GLI3: variants seen among roughly 807,000 people sequenced by gnomAD.
GLI3 encodes the protein GLI family zinc finger 3.
In GLI3, 20 loss-of-function variants were observed where a neutral mutation model predicts 100.8. The observed-to-expected ratio is 0.20, with a 90% CI of 0.14 to 0.29. The LOEUF (loss-of-function observed/expected upper bound fraction) is 0.29, where lower values mean the gene tolerates loss of function less well. Among genes scored for constraint, GLI3 ranks in the 10% least tolerant of loss-of-function variants. The probability of loss-of-function intolerance (pLI) is 1.00; values close to 1 mark genes in which losing one functional copy is unlikely to be tolerated. For synonymous variants in GLI3, 938 were observed against 860.5 expected (o/e 1.09, Z -1.58); for missense variants, 2,040 against 2,128.5 (o/e 0.96, Z 0.82).
At chr7:42,233,054 G>A (rs749632715) in intron 1 of GLI3, among the ~76,000 whole-genome samples, 1 of 152,182 alleles carries the variant, frequency 6.6e-6, no homozygotes, top group Non-Finnish European at 1.5e-5. Flanking sequence ...GAGACACCAT[G>A]TAAAGTTTGC....
In GLI3 at chr7:41,967,650, G is replaced by A. The variant is rs2128706887; in HGVS notation, c.2377C>T (p.Leu793=). 1.9e-6 allele frequency: 3 copies of A among 1,614,072 alleles called. No individual in the cohort carries two copies. The highest frequency in any genetic ancestry group is 2.5e-6 in the Non-Finnish European group (3 of 1,179,970). The stretch of plus-strand genomic sequence containing the variant: ...GCTTTAGGGGGTAGAATGGGGTTCA[G>A]TCGCGGAAACATTCCATTCACTTGT... ...LKQVNGMFPR[L]NPILPPKAPA... is the part of the protein sequence containing the mutation. Residue 793 remains leucine, a synonymous_variant, in exon 14 of 15, where the codon CTG becomes TTG. Transcript: ENST00000395925.
Position 42,045,422 on chromosome 7 carries a change from G to A in GLI3, c.788C>T (p.Thr263Met), listed in dbSNP as rs761232350. Residue 263 changes from threonine (T) to methionine (M), a missense_variant, in exon 6 of 15, where the codon ACG (threonine) becomes ATG (methionine). Physicochemically the swap from Thr to Met is moderately conservative, Grantham distance 81. This residue lies in a region of GLI3 where 603 missense variants were observed against 690.9 expected (regional missense o/e 0.87). Coordinates refer to ENST00000395925, the MANE Select transcript of GLI3 (RefSeq NM_000168.6). ...AAGATATTCCATGTGGATGGCCCCC[G>A]TGCCGGCGGTGGCAGCTGAGGGAAT... ...DIIPSAATAG[T>M]GAIHMEYLHA... 30 of 1,613,888 alleles carry A rather than the reference G, an allele frequency of 1.9e-5. No individual in the cohort carries two copies. The highest frequency in any genetic ancestry group is 1.6e-4 in the Middle Eastern group (1 of 6,082).
rs192306574 is a variant in GLI3, at chr7:42,104,073, T to A, written c.368-27216A>T. On this transcript the variant is annotated intron_variant, in intron 3 of 14. Transcript: ENST00000395925. ...GGACGATGTGCTTTGTTTGGTGCCCTGTACAAGTATATGAGCATACTTACG... is the reference window on the plus strand; with the variant it reads ...GGACGATGTGCTTTGTTTGGTGCCCAGTACAAGTATATGAGCATACTTACG... Among the ~76,000 whole-genome samples, 14 of 152,264 alleles carry A rather than the reference T, an allele frequency of 9.2e-5. No homozygotes were observed. In the East Asian group the frequency reaches 2.7e-3, roughly 29 times the overall value.
chr7:42,053,969 G>A (rs1784402850), intron 4 of GLI3, among the ~76,000 whole-genome samples: 1 of 152,164 alleles, frequency 6.6e-6, no homozygotes, highest in Non-Finnish European at 1.5e-5. Flanking sequence ...CATTATCCCT[G>A]TGTCTTGGCT....
At position 41,966,579 on chromosome 7, in the gene GLI3, C is replaced by T. The variant is rs1156987879; in HGVS notation, c.2494G>A (p.Asp832Asn). The stretch of plus-strand genomic sequence containing the variant: ...ATAGTGACGTCCACCCCAGAGAGGT[C>T]GCTTCTGCCCGGGAGAAGCGTCATG... ...GPMTLLPGRS[D>N]LSGVDVTMLN... Residue 832 changes from aspartate (D) to asparagine (N), a missense_variant, in exon 15 of 15, where the codon GAC becomes AAC. By Grantham distance (23) the Asp-to-Asn change is conservative. Transcript: ENST00000395925. This position sits in a 1 kb window ranked among gnomAD's most constrained non-coding sequence, Gnocchi z 5.8. The T allele has an allele frequency of 1.2e-6, 2 of 1,614,046 alleles. No individual in the cohort carries two copies. Among genetic ancestry groups the T allele is most frequent in the Non-Finnish European group, 1.7e-6 (2 of 1,180,000 alleles).
intron 10 of GLI3, among the ~76,000 whole-genome samples, chr7:41,989,987 CAAAAAA>C (rs60763223): frequency 6.4e-5 from 4 of 62,862 alleles, no homozygotes; most frequent in African/African-American, 1.4e-4. Context: ...ACTCTGTCTC[CAAAAAA>C]AAAAAAAAAA....
At chr7:41,988,716 C>T (rs574472593) in intron 10 of GLI3, among the ~76,000 whole-genome samples, 1 of 152,272 alleles carries the variant, frequency 6.6e-6, no homozygotes, top group East Asian at 1.9e-4. Flanking sequence ...TTATAAATTA[C>T]CCAGTGTTAA....
intron 10 of GLI3, among the ~76,000 whole-genome samples, chr7:42,003,574 T>G (rs1345723665): frequency 6.6e-6 from 1 of 152,196 alleles, no homozygotes; most frequent in Non-Finnish European, 1.5e-5. Flanking sequence ...AACCACAGTT[T>G]GATAATATTA....
intron 13 of GLI3, among the ~76,000 whole-genome samples, chr7:41,968,686 G>GA (rs1173570973): frequency 3.9e-5 from 3 of 76,204 alleles, no homozygotes; most frequent in African/African-American, 1.1e-4. Context: ...AAGAAAGAAA[G>GA]AAGAAAGAAA....
At position 41,966,638 on chromosome 7, in the gene GLI3, G is replaced by A. The variant is rs1271650442; in HGVS notation, c.2435C>T (p.Thr812Ile). The A allele has an allele frequency of 1.2e-6, 2 of 1,613,908 alleles. No homozygotes were observed. The highest frequency in any genetic ancestry group is 1.7e-6 in the Non-Finnish European group (2 of 1,179,994). ...CAAGCTGCAGGTGTTGTTGGACTGT[G>A]TGCCTGGAGACAGAGAAAGGGAGAG... Reference protein sequence around the residue: ...PAVSPLIGNGTQSNNTCSLGG... With the variant: ...PAVSPLIGNGIQSNNTCSLGG... The change falls in exon 15 of 15, where the codon ACA (threonine) becomes ATA (isoleucine). Residue 812 changes from threonine to isoleucine, a missense_variant. By Grantham distance (89) the Thr-to-Ile change is moderately conservative (BLOSUM62 -1). Around this residue, in one of 5 missense-constraint regions of GLI3, gnomAD observed 327 missense variants for 338.7 expected, o/e 0.97. Coordinates refer to ENST00000395925, the MANE Select transcript of GLI3 (RefSeq NM_000168.6). This position sits in a 1 kb window ranked among gnomAD's most constrained non-coding sequence, Gnocchi z 5.8.
At chr7:42,065,966 G>A (rs1191435262) in intron 4 of GLI3, among the ~76,000 whole-genome samples, 1 of 152,082 alleles carries the variant, frequency 6.6e-6, no homozygotes, top group African/African-American at 2.4e-5. Flanking sequence ...TCCACGTTAG[G>A]GGCACTTAGC....
chr7:42,255,070 G>C (rs562833562), intron 1 of GLI3, among the ~76,000 whole-genome samples: 1 of 137,816 alleles, frequency 7.3e-6, no homozygotes, highest in Admixed American at 7.0e-5. Context: ...TTTTTTTTCT[G>C]TTTCTGTTTT....
intron 10 of GLI3, among the ~76,000 whole-genome samples, chr7:41,990,865 A>AGT (rs57245025): frequency 0.085 from 12,082 of 142,690 alleles, 502 homozygotes; most frequent in African/African-American, 0.14. Flanking sequence ...GATTAAGGCA[A>AGT]GTGTGTGTGT....
intron 2 of GLI3, among the ~76,000 whole-genome samples, chr7:42,211,922 T>C (rs926267505): frequency 3.3e-5 from 5 of 152,158 alleles, no homozygotes; most frequent in Non-Finnish European, 2.9e-5. Context: ...AAGGTAATGG[T>C]AACCTTAATA....
chr7:42,027,951 C>CT (rs1789169033), intron 7 of GLI3, among the ~76,000 whole-genome samples: 2 of 152,186 alleles, frequency 1.3e-5, no homozygotes, highest in Admixed American at 1.3e-4. Flanking sequence ...GCTAAGGTAG[C>CT]TGTGTGGATG....
rs1357966710 is a variant in GLI3 at position 41,964,861 on chromosome 7, C to T, written c.4212G>A (p.Leu1404=). The T allele has an allele frequency of 1.9e-6, 3 of 1,613,822 alleles. No individual in the cohort carries two copies. The highest frequency in any genetic ancestry group is 1.7e-6 in the Non-Finnish European group (2 of 1,180,052). The change falls in exon 15 of 15, where the codon CTG becomes CTA. Residue 1404 remains leucine (L), a synonymous_variant. Coordinates refer to ENST00000395925, the MANE Select transcript of GLI3 (RefSeq NM_000168.6). ...TTGTGTCACTGAGCTGTCCTGACTG[C>T]AGAGCAAGGCTGTCCCTCGGCATAG... ...RQAMPRDSLA[L]QSGQLSDTSQ... is the part of the protein sequence containing the mutation.
Position 42,230,105 on chromosome 7 carries a change from G to T in GLI3, c.-42-6810C>A, listed in dbSNP as rs995128591. Among the ~76,000 whole-genome samples, 50 of 124,006 alleles carry T rather than the reference G, an allele frequency of 4.0e-4. 1 individual carries two copies. In the East Asian group the frequency reaches 0.011, roughly 27 times the overall value. 81.4% of individuals were successfully genotyped at this position (124,006 alleles called of 152,430 possible). A position where few individuals can be genotyped will look rare whatever the true frequency, so the allele number is the denominator to read the frequency against. The stretch of plus-strand genomic sequence containing the variant: ...TTTTCTGCAAGGGTTGGGCGGGGGG[G>T]GGGGGGGTGGAAAGCCCAACTTCAT... On this transcript the variant is annotated intron_variant, in intron 1 of 14. Coordinates refer to ENST00000395925, the MANE Select transcript of GLI3 (RefSeq NM_000168.6).
intron 10 of GLI3, among the ~76,000 whole-genome samples, chr7:42,018,300 A>G (rs1421807834): frequency 6.6e-6 from 1 of 151,980 alleles, no homozygotes; most frequent in Non-Finnish European, 1.5e-5. Context: ...TTAACTAGCA[A>G]CTCCATGTAG....
chr7:42,087,087 T>C (rs1785118411), intron 3 of GLI3, among the ~76,000 whole-genome samples: 1 of 151,980 alleles, frequency 6.6e-6, no homozygotes, highest in Non-Finnish European at 1.5e-5. Flanking sequence ...AGGAACTCAA[T>C]AAATGTATGT....
Sources: allele counts gnomAD v4.1 joint callset (sites outside exome capture counted in the v4.1 genomes callset), GRCh38; gene constraint gnomAD v4.1.1; regional missense constraint gnomAD v4.1.1; non-coding constraint Gnocchi (gnomAD v3.1); transcripts MANE v1.5; gene names NCBI Gene and HGNC (gene_info 2026-07-23, HGNC 2026-07-21).